Variants in PLXDC2 observed in about 807,000 individuals in gnomAD.
PLXDC2 encodes plexin domain containing 2, also known as plexin domain-containing protein 2.
A neutral mutation model predicts 68.9 loss-of-function variants in PLXDC2; 40 were observed. The ratio of observed to expected loss-of-function variants is 0.58; its 90% CI spans 0.45 to 0.76. The LOEUF (loss-of-function observed/expected upper bound fraction) is 0.76. Among genes scored for constraint, PLXDC2 ranks in the 30% least tolerant of loss-of-function variants. The probability of loss-of-function intolerance (pLI) is 0.00; values close to 1 mark genes in which losing one functional copy is unlikely to be tolerated. For synonymous variants in PLXDC2, 243 were observed against 234.2 expected (o/e 1.04, Z -0.34); for missense variants, 644 against 661.9 (o/e 0.97, Z 0.30).
chr10:19,873,860 A>G (rs2131345053), intron 1 of PLXDC2, among the ~76,000 whole-genome samples: 1 of 152,348 alleles, frequency 6.6e-6, no homozygotes, highest in South Asian at 2.1e-4. Flanking sequence ...TCTGGCATCA[A>G]AATGAGGTTT....
At position 19,991,143 on chromosome 10, in the gene PLXDC2, G is replaced by C. The variant is rs530689877; in HGVS notation, c.113-10632G>C. On this transcript the variant is annotated intron_variant, in intron 1 of 13. Coordinates refer to ENST00000377252, the MANE Select transcript of PLXDC2 (RefSeq NM_032812.9). ...TGCCTGTAATCCCAGCTACTTGGGA[G>C]GTTCAGGTAGGAGAACTGCTTGAAC... Among the ~76,000 whole-genome samples the C allele has an allele frequency of 3.3e-5, 5 of 151,992 alleles. No homozygotes were observed. The East Asian group carries it at 9.7e-4, about 30-fold the overall frequency.
At chr10:20,072,985 C>T (rs1267377861) in intron 4 of PLXDC2, among the ~76,000 whole-genome samples, 1 of 152,106 alleles carries the variant, frequency 6.6e-6, no homozygotes, top group East Asian at 1.9e-4. Flanking sequence ...TGTTCTTAAC[C>T]ATGGAAGGCT....
chr10:19,892,081 A>G (rs1183372674), intron 1 of PLXDC2, among the ~76,000 whole-genome samples: 1 of 152,214 alleles, frequency 6.6e-6, no homozygotes, highest in Admixed American at 6.5e-5. Context: ...GAAATAGTCA[A>G]GTTACATTAA....
chr10:20,095,197 T>A (rs1041878382), intron 4 of PLXDC2, among the ~76,000 whole-genome samples: 1 of 152,206 alleles, frequency 6.6e-6, no homozygotes. Flanking sequence ...TTTCTTTTCT[T>A]GTGAAATCAG....
intron 2 of PLXDC2, among the ~76,000 whole-genome samples, chr10:20,030,651 G>C (rs1835487798): frequency 6.6e-6 from 1 of 152,118 alleles, no homozygotes; most frequent in Non-Finnish European, 1.5e-5. Context: ...AGGGTCAAAA[G>C]TTGCTTAGCT....
intron 1 of PLXDC2, among the ~76,000 whole-genome samples, chr10:19,977,002 A>G (rs1017852766): frequency 1.3e-5 from 2 of 152,152 alleles, no homozygotes; most frequent in Non-Finnish European, 2.9e-5. Flanking sequence ...AATGAAAGGT[A>G]TTCTCTGATC....
chr10:19,894,528 T>C (rs1838022599), intron 1 of PLXDC2, among the ~76,000 whole-genome samples: 1 of 152,228 alleles, frequency 6.6e-6, no homozygotes, highest in Non-Finnish European at 1.5e-5. Flanking sequence ...ACTTGAATTT[T>C]TAAATATTTA....
intron 1 of PLXDC2, among the ~76,000 whole-genome samples, chr10:19,863,611 A>G (rs1837358157): frequency 6.6e-6 from 1 of 152,214 alleles, no homozygotes; most frequent in African/African-American, 2.4e-5. Context: ...TGCTTGAATA[A>G]GTTAATGACT....
intron 4 of PLXDC2, among the ~76,000 whole-genome samples, chr10:20,085,599 A>C (rs1333117769): frequency 1.3e-5 from 2 of 152,168 alleles, no homozygotes; most frequent in Admixed American, 1.3e-4. Flanking sequence ...ACTTAGAATT[A>C]ATTATTATGA....
Position 20,020,178 on chromosome 10 carries a change from A to ATTTTTTTTT in PLXDC2, c.324+18206_324+18214dup, listed in dbSNP as rs71388889. On this transcript the variant is annotated intron_variant, in intron 2 of 13. Coordinates refer to ENST00000377252, the MANE Select transcript of PLXDC2 (RefSeq NM_032812.9). ...AAACACATGCCACCACACCCAGCAA[A>ATTTTTTTTT]TTTTTTTTTTTTTTTTTTTTTTGTA... 9.3e-3 allele frequency among the ~76,000 whole-genome samples: 997 copies of ATTTTTTTTT among 107,242 alleles called. 36 individuals carry two copies. Among genetic ancestry groups the ATTTTTTTTT allele is most frequent in the African/African-American group, 0.034 (810 of 24,112 alleles). The allele number at this position is 107,242 out of a possible 152,430, so 70.4% of individuals were successfully genotyped here. A position where few individuals can be genotyped will look rare whatever the true frequency, so the allele number is the denominator to read the frequency against.
chr10:19,883,911 T>TTTTTTTTTTTTTTTTTTTTTG (rs1837788503), intron 1 of PLXDC2, among the ~76,000 whole-genome samples: 1 of 136,852 alleles, frequency 7.3e-6, no homozygotes, highest in African/African-American at 2.7e-5. Context: ...TTTTTTTTTT[T>TTTTTTTTTTTTTTTTTTTTTG]AGCAGACAGG....
chr10:19,916,815 T>C (rs1450232890), intron 1 of PLXDC2, among the ~76,000 whole-genome samples: 1 of 152,136 alleles, frequency 6.6e-6, no homozygotes, highest in African/African-American at 2.4e-5. Context: ...TAGTTATAAT[T>C]TTCTGTAATT....
At chr10:20,022,072 G>A (rs1015452698) in intron 2 of PLXDC2, among the ~76,000 whole-genome samples, 2 of 152,190 alleles carry the variant, frequency 1.3e-5, no homozygotes, top group East Asian at 1.9e-4. Flanking sequence ...TCACGGAACT[G>A]TATTGTAGCA....
At chr10:19,895,719 A>G (rs1197673573) in intron 1 of PLXDC2, among the ~76,000 whole-genome samples, 1 of 152,090 alleles carries the variant, frequency 6.6e-6, no homozygotes, top group Non-Finnish European at 1.5e-5. Context: ...CCCTGAAGGA[A>G]GCTTTCCAGC....
At chr10:19,899,444 AC>A (rs1176612252) in intron 1 of PLXDC2, among the ~76,000 whole-genome samples, 1 of 152,154 alleles carries the variant, frequency 6.6e-6, no homozygotes, top group African/African-American at 2.4e-5. Context: ...TAAATTACCA[AC>A]TGTTGCCTAA....
chr10:20,018,074 A>G (rs1016433698), intron 2 of PLXDC2, among the ~76,000 whole-genome samples: 1 of 152,196 alleles, frequency 6.6e-6, no homozygotes, highest in South Asian at 2.1e-4. Flanking sequence ...CATATTGGCT[A>G]TTCATTCATT....
intron 9 of PLXDC2, among the ~76,000 whole-genome samples, chr10:20,209,297 G>A (rs538187904): frequency 2.0e-5 from 3 of 151,802 alleles, no homozygotes; most frequent in African/African-American, 4.8e-5. Context: ...CTTCAGGGAC[G>A]CATTCTCTTT....
intron 3 of PLXDC2, among the ~76,000 whole-genome samples, chr10:20,063,439 A>C (rs1260376591): frequency 6.6e-6 from 1 of 152,108 alleles, no homozygotes; most frequent in Non-Finnish European, 1.5e-5. Flanking sequence ...AAATGTGCCC[A>C]CTCCAGATTC....
chr10:20,219,211 G>C, intron 12 of PLXDC2, 109 bp downstream of exon 12: 1 of 1,170,344 alleles, frequency 8.5e-7, no homozygotes, highest in East Asian at 2.8e-5. Context: ...GTGAGGTTGT[G>C]TTTTATTCTC....
Sources: allele counts gnomAD v4.1 joint callset (sites outside exome capture counted in the v4.1 genomes callset), GRCh38; gene constraint gnomAD v4.1.1; transcripts MANE v1.5; gene names NCBI Gene and HGNC (gene_info 2026-07-23, HGNC 2026-07-21).